The following YARS1 variants were observed in gnomAD, a reference collection of about 807,000 sequenced individuals.
The protein encoded by YARS1 is tyrosine--tRNA ligase, cytoplasmic.
YARS1 carries 36 observed loss-of-function variants against 62.2 expected under a neutral mutation model. That is an observed-to-expected ratio of 0.58 (90% CI 0.44 to 0.76). The LOEUF (loss-of-function observed/expected upper bound fraction) is 0.76, where lower values mean the gene tolerates loss of function less well. Ranked by LOEUF, YARS1 falls within the 30% of genes least tolerant of loss-of-function variation. The pLI, the probability that YARS1 is intolerant of heterozygous loss-of-function variation, is 0.00. For synonymous variants in YARS1, 234 were observed against 244.9 expected, an observed-to-expected ratio of 0.96 and a Z score of 0.42; for missense variants, 524 against 639.8, an observed-to-expected ratio of 0.82 and a Z score of 1.95.
At chr1:32,799,372 GAAGA>G (rs1653703515) in intron 4 of YARS1, among the ~76,000 whole-genome samples, 1 of 152,204 alleles carries the variant, frequency 6.6e-6, no homozygotes, top group Admixed American at 6.5e-5. Flanking sequence ...AGCACTGTAG[GAAGA>G]TCTCAACAGT....
chr1:32,794,771 G>T (rs1653518996), intron 5 of YARS1, among the ~76,000 whole-genome samples: 1 of 150,918 alleles, frequency 6.6e-6, no homozygotes, highest in African/African-American at 2.4e-5. Context: ...ACTTTGGGAG[G>T]CCGAGGCAGG....
chr1:32,781,305 T>C, intron 9 of YARS1, 160 bp from the exon 10 acceptor site: 1 of 684,414 alleles, frequency 1.5e-6, no homozygotes, highest in Admixed American at 2.1e-5. Context: ...TTGGCAACCT[T>C]TCAGACATGA....
intron 4 of YARS1, among the ~76,000 whole-genome samples, chr1:32,799,813 T>C (rs1653718624): frequency 1.3e-5 from 2 of 152,168 alleles, no homozygotes; most frequent in Admixed American, 6.6e-5. Context: ...TTTCTTTCTT[T>C]TTTTTTAGAG....
At chr1:32,781,404 T>C in intron 9 of YARS1, 1 of 484,164 alleles carries the variant, frequency 2.1e-6, no homozygotes, top group Non-Finnish European at 3.8e-6. Flanking sequence ...GGTATTTCCA[T>C]TCATGCATTC....
At chr1:32,782,622 A>G in intron 8 of YARS1, 83 bp from the exon 9 acceptor site, 1 of 1,580,972 alleles carries the variant, frequency 6.3e-7, no homozygotes, top group Non-Finnish European at 8.6e-7. Context: ...GGATCAAGGG[A>G]GTTTTTCCCA....
intron 11 of YARS1, 156 bp downstream of exon 11, chr1:32,779,929 C>A: frequency 1.2e-6 from 1 of 834,138 alleles, no homozygotes; most frequent in Non-Finnish European, 2.0e-6. Flanking sequence ...AGTACTTGTA[C>A]GATAAGTCCT....
At chr1:32,787,567 T>C (rs1331679762) in intron 6 of YARS1, among the ~76,000 whole-genome samples, 3 of 151,742 alleles carry the variant, frequency 2.0e-5, no homozygotes, top group Admixed American at 6.6e-5. Flanking sequence ...TGGAGTGCAG[T>C]GGCGCCATCT....
At position 32,775,822 on chromosome 1, in the gene YARS1, G is replaced by C; in HGVS notation, c.*159C>G. ...CAGACAGGATGATCCTGGGTTCTGG[G>C]GAGGGTAAGCTGCCCCTTGCCGAGT... On this transcript the variant is annotated 3_prime_UTR_variant, in exon 13 of 13. Transcript: ENST00000373477. 2.9e-6 allele frequency: 2 copies of C among 689,882 alleles called. No individual in the cohort carries two copies. Among genetic ancestry groups the C allele is most frequent in the South Asian group, 3.5e-5 (2 of 57,898 alleles). The allele number at this position is 689,882 out of a possible 1,614,324, so 42.7% of individuals were successfully genotyped here.
At chr1:32,799,618 T>C (rs1198801204) in intron 4 of YARS1, among the ~76,000 whole-genome samples, 3 of 152,202 alleles carry the variant, frequency 2.0e-5, no homozygotes, top group Non-Finnish European at 2.9e-5. Context: ...TAGAACAGCA[T>C]TATCCAACAG....
chr1:32,802,169 G>C (rs768833452), intron 4 of YARS1, among the ~76,000 whole-genome samples: 1 of 151,800 alleles, frequency 6.6e-6, no homozygotes, highest in African/African-American at 2.4e-5. Context: ...GGATGGTCTC[G>C]ATCTCCTGAC....
At position 32,811,055 on chromosome 1, in the gene YARS1, C is replaced by T. The variant is rs143712443; in HGVS notation, c.60G>A (p.Glu20=). Residue 20 remains glutamate (E), a splice_region_variant and synonymous_variant, in exon 2 of 13, where the codon GAG becomes GAA. Transcript: ENST00000373477. The part of the protein sequence containing the change: ...KLHLITRNLQ[E]VLGEEKLKEI... ...CCTTCAGCTTCTCTTCCCCCAGAACCTCCTATTGTGGAAGCAGAAGAGTTA... is the reference window on the plus strand; with the variant it reads ...CCTTCAGCTTCTCTTCCCCCAGAACTTCCTATTGTGGAAGCAGAAGAGTTA... The T allele has an allele frequency of 5.1e-4, 824 of 1,614,156 alleles. 7 individuals carry two copies. In the East Asian group the frequency reaches 0.017, roughly 33 times the overall value.
In YARS1 at chr1:32,804,605, C is replaced by G. The variant is rs1027713294; in HGVS notation, c.510+1877G>C. Among the ~76,000 whole-genome samples, 5 of 151,696 alleles carry G rather than the reference C, an allele frequency of 3.3e-5. No individual in the cohort carries two copies. In the South Asian group the frequency reaches 1.0e-3, roughly 32 times the overall value. Reference sequence around the variant, plus strand: ...CTCAGTTCCCAGACCGGGTCGCGGCCGGACAGAGGCGCTCCTCACATCCCA... The same window carrying G: ...CTCAGTTCCCAGACCGGGTCGCGGCGGGACAGAGGCGCTCCTCACATCCCA... On this transcript the variant is annotated intron_variant, in intron 4 of 12. Transcript: ENST00000373477.
intron 6 of YARS1, among the ~76,000 whole-genome samples, chr1:32,790,259 A>G (rs1352767243): frequency 7.0e-6 from 1 of 142,722 alleles, no homozygotes; most frequent in Non-Finnish European, 1.5e-5. Flanking sequence ...CTATAATCCC[A>G]GCACCTTGGG....
At chr1:32,804,117 T>C (rs1318806051) in intron 4 of YARS1, among the ~76,000 whole-genome samples, 1 of 152,236 alleles carries the variant, frequency 6.6e-6, no homozygotes, top group Non-Finnish European at 1.5e-5. Flanking sequence ...CAGAACAAAA[T>C]GGAGTCTCCC....
chr1:32,796,835 G>T (rs1410076355), intron 5 of YARS1, among the ~76,000 whole-genome samples: 4 of 149,112 alleles, frequency 2.7e-5, no homozygotes, highest in Non-Finnish European at 4.5e-5. Flanking sequence ...CATGGTGGCA[G>T]GCACCTGTAA....
At chr1:32,815,353 A>G (rs1367884325) in intron 1 of YARS1, among the ~76,000 whole-genome samples, 1 of 152,166 alleles carries the variant, frequency 6.6e-6, no homozygotes, top group African/African-American at 2.4e-5. Context: ...CCGTTCCAGA[A>G]AAAAAATCCC....
chr1:32,785,947 A>C (rs1426270252), intron 8 of YARS1, among the ~76,000 whole-genome samples: 5 of 151,394 alleles, frequency 3.3e-5, no homozygotes, highest in African/African-American at 1.2e-4. Context: ...AAAGTGAAAA[A>C]CAGAATGGTT....
chr1:32,799,940 T>A (rs1386208941), intron 4 of YARS1, among the ~76,000 whole-genome samples: 1 of 152,020 alleles, frequency 6.6e-6, no homozygotes, highest in Admixed American at 6.6e-5. Flanking sequence ...ATTATAGGCA[T>A]AAACCATGGC....
At chr1:32,817,085 G>A in intron 1 of YARS1, 103 bp downstream of exon 1, 2 of 1,450,868 alleles carry the variant, frequency 1.4e-6, no homozygotes, top group Non-Finnish European at 1.9e-6. Flanking sequence ...CGCCAGCGCC[G>A]AGTCCCCGGC....
Sources: gnomAD v4.1 joint callset for allele counts (sites outside exome capture counted in the v4.1 genomes callset) on GRCh38, gnomAD v4.1.1 for gene constraint, MANE v1.5 for transcripts, NCBI Gene and HGNC (gene_info 2026-07-23, HGNC 2026-07-21) for gene names.